The following ASXL2 variants were observed in gnomAD, a reference collection of about 807,000 sequenced individuals.
The protein encoded by ASXL2 is ASXL transcriptional regulator 2.
ASXL2 carries 23 observed loss-of-function variants against 122.0 expected under a neutral mutation model. The ratio of observed to expected loss-of-function variants is 0.19; its 90% confidence interval spans 0.14 to 0.27. The LOEUF (loss-of-function observed/expected upper bound fraction) is 0.27, where lower values mean the gene tolerates loss of function less well. ASXL2 is among the 10% of genes least tolerant of loss of function. The probability of loss-of-function intolerance (pLI) is 1.00; values close to 1 mark genes in which losing one functional copy is unlikely to be tolerated. For missense variants in ASXL2, 1,518 were observed against 1,713.8 expected (o/e 0.89, Z 2.02); for synonymous variants, 650 against 637.0 (o/e 1.02, Z -0.31).
chr2:25,766,237 T>A (rs1184484277), intron 8 of ASXL2, among the ~76,000 whole-genome samples: 1 of 152,172 alleles, frequency 6.6e-6, no homozygotes, highest in Admixed American at 6.5e-5. Context: ...TGTTTCGAGA[T>A]CTTTAAAAAA....
intron 8 of ASXL2, among the ~76,000 whole-genome samples, 193 bp from the exon 9 acceptor site, chr2:25,759,838 T>A (rs923665192): frequency 2.6e-5 from 4 of 152,174 alleles, no homozygotes; most frequent in Non-Finnish European, 5.9e-5. Flanking sequence ...TTATAGAGGA[T>A]AAAAGAATAC....
Position 25,759,514 on chromosome 2 carries a change from G to T in ASXL2, c.907C>A (p.Leu303Met). Residue 303 changes from leucine (L) to methionine (M), a missense_variant, in exon 9 of 13, where the codon CTG becomes ATG. Around this residue, in one of 8 missense-constraint regions of ASXL2, gnomAD observed 92 missense variants for 156.6 expected, o/e 0.59. Transcript: ENST00000435504. ...TCTACCTCTGGGAGTAGTAAAAGCA[G>T]TCGTTGCTGGCAATCTCCAGGAAGG... ...SVLPGDCQQR[L>M]LLLLPEVDRQ... The T allele has an allele frequency of 6.2e-7, 1 of 1,613,954 alleles. No individual in the cohort carries two copies. Among genetic ancestry groups the T allele is most frequent in the Non-Finnish European group, 8.5e-7 (1 of 1,179,850 alleles).
intron 5 of ASXL2, among the ~76,000 whole-genome samples, chr2:25,799,132 T>G (rs2088957046): frequency 6.6e-6 from 1 of 152,216 alleles, no homozygotes; most frequent in Non-Finnish European, 1.5e-5. Flanking sequence ...GCATTTTTAT[T>G]TTTTAAATTC....
intron 3 of ASXL2, among the ~76,000 whole-genome samples, chr2:25,813,215 A>C (rs1043615329): frequency 2.6e-5 from 4 of 152,236 alleles, no homozygotes; most frequent in Non-Finnish European, 4.4e-5. Flanking sequence ...AATCTAATAG[A>C]GAAGATAGGC....
In ASXL2 at chr2:25,835,550, G is replaced by A. The variant is rs1290834839; in HGVS notation, c.141-10C>T. ...TAATACTTCTTACCTTCTGGAGTTGGAATGCAGTGCAGGAAAATGAAAGAA... is the reference window on the plus strand; with the variant it reads ...TAATACTTCTTACCTTCTGGAGTTGAAATGCAGTGCAGGAAAATGAAAGAA... On this transcript the variant is annotated splice_polypyrimidine_tract_variant and intron_variant, in intron 2 of 12. Coordinates refer to ENST00000435504, the MANE Select transcript of ASXL2 (RefSeq NM_018263.6). 3 of 295,196 alleles carry A rather than the reference G, an allele frequency of 1.0e-5. No homozygotes were observed. In the Admixed American group the frequency reaches 1.1e-4, roughly 11 times the overall value. The allele number at this position is 295,196 out of a possible 1,614,324, so 18.3% of individuals were successfully genotyped here. A position where few individuals can be genotyped will look rare whatever the true frequency, so the allele number is the denominator to read the frequency against.
chr2:25,734,057 T>A lies in ASXL2; in HGVS notation c.*7972A>T, dbSNP rs890879806. 1 of 138,658 alleles carries A rather than the reference T, an allele frequency of 7.2e-6. No individual in the cohort carries two copies. The allele number at this position is 138,658 out of a possible 1,614,324, so 8.6% of individuals were successfully genotyped here. ...ATGCAGTCACAGAATTAAGACAGGT[T>A]TTTTTTTTTTAAAAAAAATAGGTCA... On this transcript the variant is annotated 3_prime_UTR_variant, in exon 13 of 13. Coordinates refer to ENST00000435504, the MANE Select transcript of ASXL2 (RefSeq NM_018263.6).
chr2:25,860,654 T>C (rs1574452858), intron 1 of ASXL2, among the ~76,000 whole-genome samples: 1 of 151,134 alleles, frequency 6.6e-6, no homozygotes, highest in African/African-American at 2.4e-5. Context: ...GAGGTTGCAG[T>C]GATCCGAGAT....
intron 5 of ASXL2, among the ~76,000 whole-genome samples, chr2:25,793,171 G>A (rs2088861986): frequency 6.6e-6 from 1 of 152,004 alleles, no homozygotes. Flanking sequence ...AGGCGAGGTT[G>A]CAGTGATCTG....
At chr2:25,849,146 T>G (rs1443503211) in intron 1 of ASXL2, among the ~76,000 whole-genome samples, 1 of 143,970 alleles carries the variant, frequency 6.9e-6, no homozygotes, top group African/African-American at 2.6e-5. Flanking sequence ...TTAGAATTAG[T>G]TTTTTTTTAG....
At chr2:25,857,867 C>CTTTAT (rs10634855) in intron 1 of ASXL2, among the ~76,000 whole-genome samples, 6,428 of 152,052 alleles carry the variant, frequency 0.042, 207 homozygotes, top group African/African-American at 0.08. Context: ...TTTTATTTTA[C>CTTTAT]TTTATTTTAT....
chr2:25,778,909 A>T (rs2149160325), intron 5 of ASXL2, among the ~76,000 whole-genome samples: 1 of 152,288 alleles, frequency 6.6e-6, no homozygotes, highest in Non-Finnish European at 1.5e-5. Flanking sequence ...TGGTATTAAA[A>T]GACTACAGTG....
intron 2 of ASXL2, among the ~76,000 whole-genome samples, chr2:25,844,649 A>AT (rs200317556): frequency 0.026 from 3,813 of 146,150 alleles, 143 homozygotes; most frequent in African/African-American, 0.074. Context: ...TATTACTGTA[A>AT]TTTTTTTTTT....
At chr2:25,832,498 A>T (rs1574439041) in intron 3 of ASXL2, among the ~76,000 whole-genome samples, 1 of 152,276 alleles carries the variant, frequency 6.6e-6, no homozygotes, top group East Asian at 1.9e-4. Context: ...AGGCAAACTC[A>T]CCTATCAACA....
intron 5 of ASXL2, among the ~76,000 whole-genome samples, chr2:25,792,156 T>C (rs1368502972): frequency 6.6e-6 from 1 of 152,092 alleles, no homozygotes; most frequent in African/African-American, 2.4e-5. Flanking sequence ...ACCACCACAT[T>C]CGGCTAATTT....
At chr2:25,859,501 A>G (rs2089820265) in intron 1 of ASXL2, among the ~76,000 whole-genome samples, 1 of 152,220 alleles carries the variant, frequency 6.6e-6, no homozygotes, top group South Asian at 2.1e-4. Flanking sequence ...AGCAAATTAC[A>G]AGTAACCATA....
rs563624844 is a variant in ASXL2, at chr2:25,810,449, C to A, written c.144-4112G>T. On this transcript the variant is annotated intron_variant, in intron 3 of 12. Coordinates refer to ENST00000435504, the MANE Select transcript of ASXL2 (RefSeq NM_018263.6). ...TCCGGCTTTTGCAGGGCAGTGGCCA[C>A]GTGCTCCTGAGCACAGTCCAGCTCC... 9.9e-6 allele frequency: 7 copies of A among 708,822 alleles called. No homozygotes were observed. The African/African-American group carries it at 1.2e-4, about 12-fold the overall frequency. The allele number at this position is 708,822 out of a possible 1,614,324, so 43.9% of individuals were successfully genotyped here. A position where few individuals can be genotyped will look rare whatever the true frequency, so the allele number is the denominator to read the frequency against.
In ASXL2 at chr2:25,826,762, TAAAAAAAA is replaced by T. The variant is rs55765302; in HGVS notation, c.143+8768_143+8775del. On this transcript the variant is annotated intron_variant, in intron 3 of 12. Transcript: ENST00000435504. Reference sequence around the variant, plus strand: ...AGGATTAAATAATAGACTTTCAAGGTAAAAAAAAAAAAAAAAAAAAAAAAAGTCATCTA... The same window carrying T: ...AGGATTAAATAATAGACTTTCAAGGTAAAAAAAAAAAAAAAAAGTCATCTA... 2.9e-5 allele frequency among the ~76,000 whole-genome samples: 2 copies of T among 68,092 alleles called. 1 individual carries two copies. The highest frequency in any genetic ancestry group is 1.6e-3 in the South Asian group (2 of 1,268). 44.7% of individuals were successfully genotyped at this position (68,092 alleles called of 152,430 possible).
At chr2:25,821,951 C>A (rs949116504) in intron 3 of ASXL2, among the ~76,000 whole-genome samples, 1 of 152,156 alleles carries the variant, frequency 6.6e-6, no homozygotes, top group Admixed American at 6.5e-5. Context: ...GCCACTGACA[C>A]TCCTAGAACA....
At chr2:25,765,034 G>C (rs1173355596) in intron 8 of ASXL2, among the ~76,000 whole-genome samples, 2 of 152,096 alleles carry the variant, frequency 1.3e-5, no homozygotes, top group African/African-American at 4.8e-5. Context: ...GGTATGTTTA[G>C]TCTTCTGACT....
Sources: gnomAD v4.1 joint callset for allele counts (sites outside exome capture counted in the v4.1 genomes callset) on GRCh38, gnomAD v4.1.1 for gene constraint, gnomAD v4.1.1 regional missense constraint, MANE v1.5 for transcripts, NCBI Gene and HGNC (gene_info 2026-07-23, HGNC 2026-07-21) for gene names.